The following IQSEC1 variants were observed in gnomAD, a reference collection of about 807,000 sequenced individuals.
IQSEC1 encodes the protein IQ motif and SEC7 domain-containing protein 1.
Under a neutral mutation model 91.0 loss-of-function variants are expected in IQSEC1, and 31 were observed. The observed-to-expected ratio is 0.34, with a 90% CI of 0.26 to 0.46. The LOEUF is 0.46. IQSEC1 is among the 20% of genes least tolerant of loss of function. The pLI, the probability that IQSEC1 is intolerant of heterozygous loss-of-function variation, is 1.00. For synonymous variants in IQSEC1, 699 were observed against 662.6 expected (o/e 1.05, Z -0.84); for missense variants, 1,388 against 1,575.6 (o/e 0.88, Z 2.02).
intron 1 of IQSEC1, among the ~76,000 whole-genome samples, chr3:12,987,447 A>G (rs558597665): frequency 6.6e-6 from 1 of 152,340 alleles, no homozygotes; most frequent in South Asian, 2.1e-4. Context: ...TGTGTCAGAG[A>G]GAGAGAGAGA....
chr3:13,022,413 C>T, intron 1 of IQSEC1: 2 of 1,079,442 alleles, frequency 1.9e-6, no homozygotes, highest in Non-Finnish European at 1.1e-6. Context: ...TTCTGCACAA[C>T]CTTGCGCCTG....
intron 1 of IQSEC1, among the ~76,000 whole-genome samples, chr3:13,194,073 C>T (rs1475514679): frequency 6.6e-6 from 1 of 152,180 alleles, no homozygotes; most frequent in Admixed American, 6.5e-5. Context: ...GACCTAATCC[C>T]CTCTTCCTAA....
intron 2 of IQSEC1, among the ~76,000 whole-genome samples, chr3:13,128,902 T>C (rs1207299692): frequency 1.5e-5 from 2 of 137,528 alleles, no homozygotes; most frequent in African/African-American, 5.8e-5. Context: ...AAAAAAGAAA[T>C]GTTACATCTA....
chr3:12,927,999 T>C (rs1307290767), intron 3 of IQSEC1, among the ~76,000 whole-genome samples: 1 of 151,948 alleles, frequency 6.6e-6, no homozygotes, highest in Non-Finnish European at 1.5e-5. Context: ...TCTGGCTTTC[T>C]CCCGAGTGGG....
At chr3:12,919,455 C>T (rs992185670) in intron 6 of IQSEC1, among the ~76,000 whole-genome samples, 2 of 152,312 alleles carry the variant, frequency 1.3e-5, no homozygotes, top group South Asian at 2.1e-4. Flanking sequence ...CACAGCGGCA[C>T]CCGCCACCAG....
At position 13,240,745 on chromosome 3, in the gene IQSEC1, G is replaced by A. The variant is rs188839449; in HGVS notation, c.272+41966C>T. 1.9e-3 allele frequency among the ~76,000 whole-genome samples: 285 copies of A among 152,272 alleles called. 1 individual carries two copies. Among genetic ancestry groups the A allele is most frequent in the Admixed American group, 3.8e-3 (58 of 15,306 alleles). On this transcript the variant is annotated intron_variant, in intron 1 of 15. Transcript: ENST00000648114. ...AGAAATGCTCACAGCTGAATTGAAC[G>A]AAATCTGGGCTCCATGAAAGACCCG...
intron 1 of IQSEC1, among the ~76,000 whole-genome samples, chr3:13,173,581 C>T (rs1306664097): frequency 6.6e-6 from 1 of 152,236 alleles, no homozygotes; most frequent in Admixed American, 6.5e-5. Context: ...CCTGTGGGCT[C>T]TGTGGACAAT....
At chr3:13,270,120 G>A (rs756036004) in intron 1 of IQSEC1, among the ~76,000 whole-genome samples, 1 of 152,170 alleles carries the variant, frequency 6.6e-6, no homozygotes, top group Non-Finnish European at 1.5e-5. Flanking sequence ...GGACCCTCCA[G>A]ATCAGCCAAT....
intron 10 of IQSEC1, among the ~76,000 whole-genome samples, chr3:12,910,201 A>G (rs938592428): frequency 3.9e-5 from 6 of 152,240 alleles, no homozygotes; most frequent in Non-Finnish European, 5.9e-5. Context: ...TATGCAAACC[A>G]TATAAAAGAT....
At chr3:13,121,637 G>A (rs541505770) in intron 2 of IQSEC1, among the ~76,000 whole-genome samples, 3 of 152,320 alleles carry the variant, frequency 2.0e-5, no homozygotes, top group Admixed American at 6.5e-5. Flanking sequence ...CCAATGCCTC[G>A]GGCAGCCAGG....
intron 1 of IQSEC1, among the ~76,000 whole-genome samples, chr3:13,025,006 A>G (rs764676461): frequency 1.3e-5 from 2 of 152,242 alleles, no homozygotes; most frequent in Non-Finnish European, 2.9e-5. Flanking sequence ...ACCTCTCAAC[A>G]TCACTGTCTG....
At chr3:12,993,745 G>C (rs1702099248) in intron 1 of IQSEC1, among the ~76,000 whole-genome samples, 3 of 152,382 alleles carry the variant, frequency 2.0e-5, no homozygotes, top group South Asian at 4.1e-4. Flanking sequence ...GCAGAGCCCA[G>C]CTCAGAAAGA....
At chr3:13,152,484 G>GT (rs1707015647) in intron 2 of IQSEC1, among the ~76,000 whole-genome samples, 1 of 152,224 alleles carries the variant, frequency 6.6e-6, no homozygotes, top group Non-Finnish European at 1.5e-5. Flanking sequence ...AAGGGCACTT[G>GT]TTTTTTCCTC....
rs1694501783 is a variant in IQSEC1, at chr3:13,214,344, A to T, written c.273-50211T>A. On this transcript the variant is annotated intron_variant, in intron 1 of 15. Coordinates refer to the IQSEC1 transcript ENST00000648114. The surrounding 1 kb of genome is among the most constrained non-coding windows in gnomAD (Gnocchi z 4.5). ...TCTGCTGCTCCCAACACCCTTGTCC[A>T]GGAGCTGCCCAGGCCGACTCCTCAC... 6.6e-6 allele frequency among the ~76,000 whole-genome samples: 1 copy of T among 152,204 alleles called. No individual in the cohort carries two copies. Among genetic ancestry groups the T allele is most frequent in the African/African-American group, 2.4e-5 (1 of 41,456 alleles).
Position 12,920,411 on chromosome 3 carries a change from A to G in IQSEC1, c.2020+19T>C, listed in dbSNP as rs367610452. On this transcript the variant is annotated intron_variant, in intron 6 of 13. Coordinates refer to ENST00000613206, the MANE Select transcript of IQSEC1 (RefSeq NM_001134382.3). ...GCTGGAGCAAATCTGTGGCTGGCCG[A>G]CCGCCTGAGACAGCTCACCTCGGAG... The G allele has an allele frequency of 5.6e-6, 9 of 1,608,740 alleles. No homozygotes were observed. In the African/African-American group the frequency reaches 1.1e-4, roughly 19 times the overall value.
At chr3:13,053,038 T>C in intron 1 of IQSEC1, 1 of 1,135,274 alleles carries the variant, frequency 8.8e-7, no homozygotes, top group Non-Finnish European at 1.3e-6. Flanking sequence ...CCAGTTTTCA[T>C]CCGAATCCAC....
intron 2 of IQSEC1, among the ~76,000 whole-genome samples, chr3:13,152,026 A>G (rs937746577): frequency 4.6e-5 from 7 of 152,342 alleles, no homozygotes; most frequent in African/African-American, 1.2e-4. Flanking sequence ...TCTATTCCTC[A>G]TAAGTCAGAC....
chr3:13,022,104 T>A lies in IQSEC1; in HGVS notation c.23+50888A>T, dbSNP rs1402542640. ...CGGCACTGCCATACCCCTTCATGCC[T>A]GGCTCGGTGGAGGAGCGAGTGGCCA... is the stretch of plus-strand genomic sequence containing the variant. On this transcript the variant is annotated intron_variant, in intron 1 of 13. Coordinates refer to ENST00000613206, the MANE Select transcript of IQSEC1 (RefSeq NM_001134382.3). 4 of 1,231,670 alleles carry A rather than the reference T, an allele frequency of 3.2e-6. No homozygotes were observed. In the East Asian group the frequency reaches 1.3e-4, roughly 39 times the overall value. The allele number at this position is 1,231,670 out of a possible 1,614,324, so 76.3% of individuals were successfully genotyped here. A position where few individuals can be genotyped will look rare whatever the true frequency, so the allele number is the denominator to read the frequency against.
chr3:13,200,158 AAC>A (rs1395847512), intron 1 of IQSEC1, among the ~76,000 whole-genome samples: 2 of 139,784 alleles, frequency 1.4e-5, no homozygotes, highest in African/African-American at 3.1e-5. Flanking sequence ...ACACACACCA[AAC>A]ACACATACAC....
Sources: allele counts gnomAD v4.1 joint callset (sites outside exome capture counted in the v4.1 genomes callset), GRCh38; gene constraint gnomAD v4.1.1; non-coding constraint Gnocchi (gnomAD v3.1); transcripts MANE v1.5; gene names NCBI Gene and HGNC (gene_info 2026-07-23, HGNC 2026-07-21).